The following PARD3B variants were observed in gnomAD, a reference collection of about 807,000 sequenced individuals.
The protein encoded by PARD3B is par-3 family cell polarity regulator beta, also known as partitioning defective 3 homolog B.
Under a neutral mutation model 130.2 loss-of-function variants are expected in PARD3B, and 103 were observed. The observed-to-expected ratio is 0.79, with a 90% confidence interval of 0.67 to 0.93. The LOEUF (loss-of-function observed/expected upper bound fraction) is 0.93, where lower values mean the gene tolerates loss of function less well. PARD3B is among the 40% of genes least tolerant of loss of function. The probability of loss-of-function intolerance (pLI) is 0.00; values close to 1 mark genes in which losing one functional copy is unlikely to be tolerated. For missense variants in PARD3B, 1,609 were observed against 1,499.2 expected, an observed-to-expected ratio of 1.07 and a Z score of -1.21; for synonymous variants, 583 against 553.2, an observed-to-expected ratio of 1.05 and a Z score of -0.76.
At chr2:204,793,404 A>G (rs1380092568) in intron 2 of PARD3B, among the ~76,000 whole-genome samples, 3 of 152,168 alleles carry the variant, frequency 2.0e-5, no homozygotes, top group Non-Finnish European at 4.4e-5. Flanking sequence ...ATATAAATAT[A>G]TATGCTTGTA....
chr2:205,038,720 A>T (rs1031244644), intron 3 of PARD3B, among the ~76,000 whole-genome samples: 6 of 152,224 alleles, frequency 3.9e-5, no homozygotes, highest in Non-Finnish European at 8.8e-5. Flanking sequence ...TCCATTGTGT[A>T]GTCAGTTGAC....
intron 2 of PARD3B, among the ~76,000 whole-genome samples, chr2:204,817,675 C>T (rs1392561383): frequency 6.6e-6 from 1 of 152,104 alleles, no homozygotes; most frequent in Non-Finnish European, 1.5e-5. Context: ...CTCATCCTTC[C>T]TATGAAATGT....
intron 16 of PARD3B, among the ~76,000 whole-genome samples, chr2:205,270,910 C>A (rs2105797991): frequency 6.6e-6 from 1 of 152,232 alleles, no homozygotes; most frequent in South Asian, 2.1e-4. Flanking sequence ...TGGCTCATTG[C>A]CAATCCTGGC....
intron 1 of PARD3B, among the ~76,000 whole-genome samples, chr2:204,622,845 A>T (rs2034353221): frequency 6.6e-6 from 1 of 152,164 alleles, no homozygotes; most frequent in Admixed American, 6.6e-5. Context: ...TAAACATTTG[A>T]GCTAGTGCTA....
chr2:204,574,406 A>G (rs1416056206), intron 1 of PARD3B, among the ~76,000 whole-genome samples: 2 of 152,204 alleles, frequency 1.3e-5, no homozygotes, highest in South Asian at 2.1e-4. Context: ...TTTTGACAGA[A>G]TGACTTTCCC....
intron 2 of PARD3B, among the ~76,000 whole-genome samples, chr2:204,902,714 T>G (rs971044965): frequency 6.6e-5 from 10 of 151,578 alleles, no homozygotes; most frequent in Non-Finnish European, 1.0e-4. Context: ...TGTTTGTTCC[T>G]AGAGTTATCT....
At chr2:205,209,653 G>C (rs2037515239) in intron 15 of PARD3B, among the ~76,000 whole-genome samples, 2 of 151,594 alleles carry the variant, frequency 1.3e-5, no homozygotes, top group South Asian at 4.2e-4. Context: ...AAGTTTAGCA[G>C]TTTCATAATT....
At chr2:205,466,752 G>T (rs1172786056) in intron 20 of PARD3B, among the ~76,000 whole-genome samples, 1 of 152,176 alleles carries the variant, frequency 6.6e-6, no homozygotes, top group African/African-American at 2.4e-5. Flanking sequence ...CGCTCTTGTT[G>T]CCCAGGCTGG....
At chr2:204,993,971 T>G (rs1693934899) in intron 3 of PARD3B, among the ~76,000 whole-genome samples, 1 of 151,968 alleles carries the variant, frequency 6.6e-6, no homozygotes, top group African/African-American at 2.4e-5. Flanking sequence ...CATCTCTCTT[T>G]TTTTCTTTAT....
chr2:205,573,777 A>G (rs1286968547), intron 22 of PARD3B, among the ~76,000 whole-genome samples: 1 of 152,216 alleles, frequency 6.6e-6, no homozygotes, highest in Non-Finnish European at 1.5e-5. Context: ...TTAATAAAAC[A>G]TCGATCATTG....
rs374922202 is a variant in PARD3B at position 205,291,230 on chromosome 2, AAAAC to A, written c.2186-9292_2186-9289del. ...CTGGCAAGGGCTCCAAAGCAAAACA[AAAAC>A]AAACAAAAAAAGCAACAGCAACGAC... On this transcript the variant is annotated intron_variant, in intron 16 of 22. Coordinates refer to ENST00000406610, the MANE Select transcript of PARD3B (RefSeq NM_001302769.2). The surrounding 1 kb of genome is among the most constrained non-coding windows in gnomAD (Gnocchi z 4.6). Among the ~76,000 whole-genome samples the A allele has an allele frequency of 1.8e-4, 28 of 152,326 alleles. No homozygotes were observed. Among genetic ancestry groups the A allele is most frequent in the African/African-American group, 6.5e-4 (27 of 41,582 alleles).
chr2:204,747,009 T>G (rs867496186), intron 2 of PARD3B, among the ~76,000 whole-genome samples: 3 of 152,192 alleles, frequency 2.0e-5, no homozygotes, highest in African/African-American at 7.2e-5. Context: ...ATTTTGGCTT[T>G]TGTTGCCATT....
chr2:205,404,728 T>A (rs2046362591), intron 19 of PARD3B, among the ~76,000 whole-genome samples: 1 of 152,140 alleles, frequency 6.6e-6, no homozygotes, highest in Non-Finnish European at 1.5e-5. Flanking sequence ...TTGTACAGAC[T>A]GGTCTCTAAT....
chr2:205,058,435 A>G (rs1236122954), intron 4 of PARD3B, among the ~76,000 whole-genome samples: 1 of 151,826 alleles, frequency 6.6e-6, no homozygotes, highest in African/African-American at 2.4e-5. Flanking sequence ...CTCTGCTTTC[A>G]TTTCTTTCCG....
intron 21 of PARD3B, 82 bp from the exon 22 acceptor site, chr2:205,553,242 C>A: frequency 7.6e-7 from 1 of 1,309,070 alleles, no homozygotes; most frequent in Non-Finnish European, 1.1e-6. Context: ...AGCATTTGTG[C>A]ACTGATTATA....
In PARD3B at chr2:205,053,837, G is replaced by A. The variant is rs930752054; in HGVS notation, c.504+6147G>A. Among the ~76,000 whole-genome samples the A allele has an allele frequency of 4.6e-5, 7 of 152,020 alleles. 1 individual carries two copies. The highest frequency in any genetic ancestry group is 8.8e-5 in the Non-Finnish European group (6 of 68,008). On this transcript the variant is annotated intron_variant, in intron 4 of 22. Transcript: ENST00000406610. ...TGGATGCTGAAGAGCAAAACAGGGGGAGAAATAGCATGTAATATACTACTG... is the reference window on the plus strand; with the variant it reads ...TGGATGCTGAAGAGCAAAACAGGGGAAGAAATAGCATGTAATATACTACTG...
chr2:205,034,065 G>A (rs891430037), intron 3 of PARD3B, among the ~76,000 whole-genome samples: 1 of 152,000 alleles, frequency 6.6e-6, no homozygotes, highest in Non-Finnish European at 1.5e-5. Context: ...TTAGTTGAGG[G>A]GAAACAAACC....
At chr2:204,567,828 A>G (rs575402444) in intron 1 of PARD3B, among the ~76,000 whole-genome samples, 57 of 152,300 alleles carry the variant, frequency 3.7e-4, no homozygotes, top group African/African-American at 1.3e-3. Flanking sequence ...CAGTCCCATC[A>G]TCAGTGAGCA....
chr2:204,565,029 G>C (rs1262481532), intron 1 of PARD3B, among the ~76,000 whole-genome samples: 1 of 152,170 alleles, frequency 6.6e-6, no homozygotes, highest in African/African-American at 2.4e-5. Context: ...TCATCTGGAG[G>C]CTTGACTGGG....
Sources: allele counts gnomAD v4.1 joint callset (sites outside exome capture counted in the v4.1 genomes callset), GRCh38; gene constraint gnomAD v4.1.1; non-coding constraint Gnocchi (gnomAD v3.1); transcripts MANE v1.5; gene names NCBI Gene and HGNC (gene_info 2026-07-23, HGNC 2026-07-21).